TMEM167A: variants seen among roughly 807,000 people sequenced by gnomAD.
TMEM167A encodes the protein transmembrane protein 167A, also known as protein kish-A.
Under a neutral mutation model 11.6 loss-of-function variants are expected in TMEM167A, and 8 were observed. The ratio of observed to expected loss-of-function variants is 0.69; its 90% CI spans 0.40 to 1.24. The LOEUF (loss-of-function observed/expected upper bound fraction) is 1.24, where lower values mean the gene tolerates loss of function less well. TMEM167A is among the 50% of genes most tolerant of loss of function. TMEM167A has a pLI of 0.01. For missense variants in TMEM167A, 62 were observed against 87.0 expected, an observed-to-expected ratio of 0.71 and a Z score of 1.14; for synonymous variants, 22 against 28.0, an observed-to-expected ratio of 0.79 and a Z score of 0.67.
At position 83,057,111 on chromosome 5, in the gene TMEM167A, C is replaced by T. The variant is rs141188987; in HGVS notation, c.192G>A (p.Met64Ile). 155 of 1,612,098 alleles carry T rather than the reference C, an allele frequency of 9.6e-5. 2 individuals carry two copies. The South Asian group carries it at 1.6e-3, about 17-fold the overall frequency. ...SPYVAVCCIV[M>I]AFSILFIQ ...ACTGTATGAAGAGGATGCTGAAGGC[C>T]ATTACTATACAGCATACTGCAACAT... Residue 64 changes from methionine to isoleucine, a missense_variant, in exon 4 of 4, where the codon ATG becomes ATA. Physicochemically the swap from Met to Ile is conservative, Grantham distance 10. Transcript: ENST00000502346.
At chr5:83,063,869 A>T (rs1162183071) in intron 2 of TMEM167A, among the ~76,000 whole-genome samples, 1 of 151,752 alleles carries the variant, frequency 6.6e-6, no homozygotes, top group Admixed American at 6.6e-5. Context: ...GCTTAGTTCT[A>T]TATTATTTGA....
intron 1 of TMEM167A, among the ~76,000 whole-genome samples, chr5:83,066,759 C>T (rs1053304285): frequency 1.3e-5 from 2 of 151,064 alleles, no homozygotes; most frequent in East Asian, 1.9e-4. Flanking sequence ...GGTTTGGGGA[C>T]GGGGTGGTGG....
chr5:83,060,001 AAG>A (rs1423644526), intron 3 of TMEM167A, among the ~76,000 whole-genome samples: 1 of 99,230 alleles, frequency 1.0e-5, no homozygotes, highest in Non-Finnish European at 2.2e-5. Context: ...CTATCACCGT[AAG>A]AGAGAACAAA....
intron 2 of TMEM167A, chr5:83,064,364 C>T (rs749053548): frequency 3.3e-5 from 17 of 517,614 alleles, no homozygotes; most frequent in Admixed American, 2.3e-4. Context: ...GAAGAATTTT[C>T]GTGATAGCAT....
intron 3 of TMEM167A, among the ~76,000 whole-genome samples, chr5:83,060,343 A>C (rs1385200810): frequency 2.0e-5 from 3 of 152,162 alleles, no homozygotes; most frequent in Non-Finnish European, 1.5e-5. Flanking sequence ...ATGAAAGAAA[A>C]GTAGTTAAGC....
At chr5:83,065,204 G>A (rs1744465247) in intron 1 of TMEM167A, 87 bp from the exon 2 acceptor site, 2 of 823,436 alleles carry the variant, frequency 2.4e-6, no homozygotes, top group Non-Finnish European at 3.9e-6. Context: ...TTAGAGTCAT[G>A]TTTTTATTTC....
chr5:83,069,614 G>A (rs113603739), intron 1 of TMEM167A, among the ~76,000 whole-genome samples: 1 of 152,072 alleles, frequency 6.6e-6, no homozygotes, highest in South Asian at 2.1e-4. Context: ...CTCCTCTGAT[G>A]TCTTTCCTGT....
chr5:83,076,966 G>A (rs1310155064), intron 1 of TMEM167A, among the ~76,000 whole-genome samples: 3 of 152,212 alleles, frequency 2.0e-5, no homozygotes, highest in African/African-American at 4.8e-5. Context: ...AGCCCCTAGG[G>A]CGAGATAAGG....
intron 3 of TMEM167A, among the ~76,000 whole-genome samples, chr5:83,059,610 T>C (rs1744378949): frequency 6.6e-6 from 1 of 152,108 alleles, no homozygotes; most frequent in African/African-American, 2.4e-5. Context: ...TTGAGGATGC[T>C]ATTTTGTCAC....
At chr5:83,074,657 A>C (rs1307917215) in intron 1 of TMEM167A, among the ~76,000 whole-genome samples, 1 of 152,214 alleles carries the variant, frequency 6.6e-6, no homozygotes, top group Non-Finnish European at 1.5e-5. Flanking sequence ...TCTCTCTACT[A>C]CATGTGTTGT....
At chr5:83,066,030 T>C (rs1223865538) in intron 1 of TMEM167A, among the ~76,000 whole-genome samples, 3 of 152,182 alleles carry the variant, frequency 2.0e-5, no homozygotes, top group East Asian at 3.8e-4. Flanking sequence ...ATAATATTCA[T>C]TTCTGAAGGG....
chr5:83,056,227 A>T lies in TMEM167A; in HGVS notation c.*857T>A, dbSNP rs1744329109. On this transcript the variant is annotated 3_prime_UTR_variant, in exon 4 of 4. Coordinates refer to ENST00000502346, the MANE Select transcript of TMEM167A (RefSeq NM_174909.5). ...GTGTTAAAAAACAAAACAAAAATAC[A>T]GTTCCTTTACGGCAATTAAAATAAA... The T allele has an allele frequency of 6.6e-6, 1 of 152,066 alleles. No homozygotes were observed. Among genetic ancestry groups the T allele is most frequent in the East Asian group, 1.9e-4 (1 of 5,196 alleles). 9.4% of individuals were successfully genotyped at this position (152,066 alleles called of 1,614,324 possible).
intron 1 of TMEM167A, among the ~76,000 whole-genome samples, chr5:83,068,594 T>C (rs1037196568): frequency 1.3e-5 from 2 of 151,904 alleles, no homozygotes; most frequent in Non-Finnish European, 2.9e-5. Flanking sequence ...GAGTCAAACC[T>C]TGAAAGGGCA....
intron 1 of TMEM167A, among the ~76,000 whole-genome samples, chr5:83,075,670 A>G (rs573743026): frequency 9.2e-5 from 14 of 152,118 alleles, no homozygotes; most frequent in Non-Finnish European, 1.6e-4. Context: ...GCTTGAACCC[A>G]GGAAGCAGAG....
chr5:83,068,752 A>C (rs1184654540), intron 1 of TMEM167A, among the ~76,000 whole-genome samples: 1 of 152,208 alleles, frequency 6.6e-6, no homozygotes, highest in Non-Finnish European at 1.5e-5. Flanking sequence ...ATGGTTGGAA[A>C]ACAAATCTTC....
chr5:83,064,966 G>A, intron 2 of TMEM167A, 42 bp downstream of exon 2: 1 of 1,167,132 alleles, frequency 8.6e-7, no homozygotes, highest in East Asian at 2.4e-5. Context: ...TTGAACATTT[G>A]TAAGAACTAA....
chr5:83,075,852 G>C (rs1179782556), intron 1 of TMEM167A, among the ~76,000 whole-genome samples: 1 of 152,056 alleles, frequency 6.6e-6, no homozygotes, highest in African/African-American at 2.4e-5. Context: ...AAGATACTGA[G>C]ACACTAATCC....
intron 1 of TMEM167A, among the ~76,000 whole-genome samples, chr5:83,069,702 A>C (rs111675275): frequency 2.5e-3 from 386 of 152,252 alleles, no homozygotes; most frequent in African/African-American, 8.6e-3. Flanking sequence ...TATGTTATAG[A>C]ACACATCATA....
At chr5:83,057,204 G>A (rs199886819) in intron 3 of TMEM167A, 50 bp from the exon 4 acceptor site, 3 of 1,523,226 alleles carry the variant, frequency 2.0e-6, no homozygotes, top group Non-Finnish European at 2.7e-6. Flanking sequence ...TGGCTAACCT[G>A]GCTATGACAA....
Sources: allele counts gnomAD v4.1 joint callset (sites outside exome capture counted in the v4.1 genomes callset), GRCh38; gene constraint gnomAD v4.1.1; transcripts MANE v1.5; gene names NCBI Gene and HGNC (gene_info 2026-07-23, HGNC 2026-07-21).